TRAPPC9: variants seen among roughly 807,000 people sequenced by gnomAD.
TRAPPC9 encodes IKK2 binding protein.
TRAPPC9 carries 83 observed loss-of-function variants against 124.0 expected under a neutral mutation model. That is an observed-to-expected ratio of 0.67 (90% confidence interval 0.56 to 0.80). TRAPPC9 has a LOEUF of 0.80. TRAPPC9 is among the 30% of genes least tolerant of loss of function. The pLI is 0.00. For missense variants in TRAPPC9, 1,302 were observed against 1,508.3 expected, an observed-to-expected ratio of 0.86 and a Z score of 2.27; for synonymous variants, 638 against 617.5, an observed-to-expected ratio of 1.03 and a Z score of -0.49.
At chr8:140,326,202 C>T (rs1404580104) in intron 9 of TRAPPC9, among the ~76,000 whole-genome samples, 2 of 145,708 alleles carry the variant, frequency 1.4e-5, no homozygotes, top group Non-Finnish European at 1.5e-5. Context: ...CTGGCTAACA[C>T]AGTGAAACCC....
chr8:140,213,811 T>G (rs1485967214), intron 17 of TRAPPC9, among the ~76,000 whole-genome samples: 1 of 152,254 alleles, frequency 6.6e-6, no homozygotes, highest in Non-Finnish European at 1.5e-5. Context: ...ATTTCAAAAC[T>G]GCTTTCCAGC....
intron 19 of TRAPPC9, among the ~76,000 whole-genome samples, chr8:139,944,987 G>C (rs1165347172): frequency 6.6e-6 from 1 of 152,198 alleles, no homozygotes; most frequent in East Asian, 1.9e-4. Context: ...AGCTGGGTGT[G>C]GTGGCATGCA....
chr8:140,214,038 C>T (rs1216270215), intron 17 of TRAPPC9, among the ~76,000 whole-genome samples: 1 of 152,232 alleles, frequency 6.6e-6, no homozygotes, highest in African/African-American at 2.4e-5. Flanking sequence ...GAAGGCTGTG[C>T]ATAAGTTGGA....
intron 1 of TRAPPC9, among the ~76,000 whole-genome samples, chr8:140,456,516 A>G (rs2071672043): frequency 6.6e-6 from 1 of 152,042 alleles, no homozygotes; most frequent in African/African-American, 2.4e-5. Flanking sequence ...GACACACTAG[A>G]TTTCTGAAAC....
At chr8:140,364,957 G>A (rs2068066967) in intron 8 of TRAPPC9, among the ~76,000 whole-genome samples, 1 of 150,428 alleles carries the variant, frequency 6.6e-6, no homozygotes. Flanking sequence ...GACTAGGGCA[G>A]ACCCCTCCCT....
chr8:139,983,200 C>A (rs1475659247), intron 19 of TRAPPC9, among the ~76,000 whole-genome samples: 2 of 152,148 alleles, frequency 1.3e-5, no homozygotes, highest in Admixed American at 6.5e-5. Flanking sequence ...AGGAAATGGG[C>A]CCTCACCACC....
chr8:140,255,919 T>C (rs1356322023), intron 15 of TRAPPC9, among the ~76,000 whole-genome samples: 1 of 152,102 alleles, frequency 6.6e-6, no homozygotes, highest in African/African-American at 2.4e-5. Flanking sequence ...TTGGATGAGA[T>C]TCTTATAGGA....
At chr8:140,266,432 C>T (rs956047309) in intron 15 of TRAPPC9, among the ~76,000 whole-genome samples, 1 of 149,284 alleles carries the variant, frequency 6.7e-6, no homozygotes, top group Non-Finnish European at 1.5e-5. Flanking sequence ...CACTGCACTC[C>T]AGCCTGGGCG....
intron 19 of TRAPPC9, among the ~76,000 whole-genome samples, chr8:139,919,199 C>T (rs1374585497): frequency 2.0e-5 from 3 of 152,200 alleles, no homozygotes; most frequent in Non-Finnish European, 4.4e-5. Flanking sequence ...CGGACTGGAG[C>T]GCAACCCTCT....
chr8:140,425,216 G>T (rs183863601), intron 5 of TRAPPC9, among the ~76,000 whole-genome samples: 1 of 152,218 alleles, frequency 6.6e-6, no homozygotes, highest in Non-Finnish European at 1.5e-5. Flanking sequence ...AACTGGCGTG[G>T]CCTGGAAGGC....
chr8:139,813,250 C>A (rs1824568150), intron 21 of TRAPPC9, among the ~76,000 whole-genome samples: 1 of 152,232 alleles, frequency 6.6e-6, no homozygotes, highest in Non-Finnish European at 1.5e-5. Flanking sequence ...TCCCCTCTTG[C>A]ACCTCAGTTT....
rs546711240 is a variant in TRAPPC9, at chr8:140,316,609, G to A, written c.1496-5235C>T. Among the ~76,000 whole-genome samples, 189 of 152,308 alleles carry A rather than the reference G, an allele frequency of 1.2e-3. 1 individual carries two copies. Among genetic ancestry groups the A allele is most frequent in the African/African-American group, 4.4e-3 (184 of 41,574 alleles). On this transcript the variant is annotated intron_variant, in intron 9 of 22. Transcript: ENST00000438773. ...GGATGAATTCCACTTGATCATGGTG[G>A]AAGATCTTTCAAATGTGCTGTTGAA...
chr8:140,343,460 T>A (rs1393130418), intron 9 of TRAPPC9, among the ~76,000 whole-genome samples: 2 of 152,220 alleles, frequency 1.3e-5, no homozygotes, highest in African/African-American at 4.8e-5. Flanking sequence ...TGAATCTGAC[T>A]TGGGAAATAC....
chr8:140,228,656 T>C (rs549471498), intron 16 of TRAPPC9, among the ~76,000 whole-genome samples: 4 of 152,166 alleles, frequency 2.6e-5, no homozygotes, highest in African/African-American at 7.2e-5. Context: ...GAAGCCTCCA[T>C]GTACAGGAGG....
intron 15 of TRAPPC9, among the ~76,000 whole-genome samples, chr8:140,259,765 C>T (rs1485875490): frequency 6.6e-6 from 1 of 152,216 alleles, no homozygotes; most frequent in Non-Finnish European, 1.5e-5. Flanking sequence ...CCCTGGCATT[C>T]AGTGAGTGCA....
At chr8:139,814,925 A>G (rs1057148137) in intron 21 of TRAPPC9, among the ~76,000 whole-genome samples, 5 of 152,184 alleles carry the variant, frequency 3.3e-5, no homozygotes, top group African/African-American at 1.2e-4. Context: ...GAGGACAGAC[A>G]TGGCCGGGCA....
Position 139,884,915 on chromosome 8 carries a change from G to C in TRAPPC9, c.3055+964C>G, listed in dbSNP as rs573191857. Reference sequence around the variant, plus strand: ...CAGGAGGCAGCCTCTGCAGGATCAGGGGGTCTCCAGGCTGAAGGGCGCTGG... The same window carrying C: ...CAGGAGGCAGCCTCTGCAGGATCAGCGGGTCTCCAGGCTGAAGGGCGCTGG... On this transcript the variant is annotated intron_variant, in intron 21 of 22. Coordinates refer to ENST00000438773, the MANE Select transcript of TRAPPC9 (RefSeq NM_001160372.4). Among the ~76,000 whole-genome samples the C allele has an allele frequency of 3.9e-5, 6 of 152,322 alleles. 1 individual carries two copies. Among genetic ancestry groups the C allele is most frequent in the African/African-American group, 1.4e-4 (6 of 41,570 alleles).
At position 140,287,698 on chromosome 8, in the gene TRAPPC9, G is replaced by T; in HGVS notation, c.1891C>A (p.Pro631Thr). Residue 631 changes from proline to threonine, a missense_variant, in exon 13 of 23, where the codon CCT becomes ACT. By Grantham distance (38) the Pro-to-Thr change is conservative (BLOSUM62 -1). Transcript: ENST00000438773. ...TCAGCCGGAAGAGAAAGCGCCGCAG[G>T]GAGAGACTCGAACTCCACTCCGCTG... ...LTSGVEFESL[P>T]AALSLPAESG... is the part of the protein sequence containing the mutation. 1.2e-6 allele frequency: 2 copies of T among 1,614,212 alleles called. No individual in the cohort carries two copies. Among genetic ancestry groups the T allele is most frequent in the Non-Finnish European group, 1.7e-6 (2 of 1,180,040 alleles).
At chr8:140,033,545 A>G (rs1840634727) in intron 17 of TRAPPC9, among the ~76,000 whole-genome samples, 1 of 151,642 alleles carries the variant, frequency 6.6e-6, no homozygotes, top group Non-Finnish European at 1.5e-5. Flanking sequence ...AAAAAAATTC[A>G]TTTCCTTTAA....
Sources: allele counts gnomAD v4.1 joint callset (sites outside exome capture counted in the v4.1 genomes callset), GRCh38; gene constraint gnomAD v4.1.1; transcripts MANE v1.5; gene names NCBI Gene and HGNC (gene_info 2026-07-23, HGNC 2026-07-21).